Variants in PTPRM observed in about 807,000 individuals in gnomAD.
PTPRM encodes the protein protein tyrosine phosphatase receptor type M, also known as receptor-type tyrosine-protein phosphatase mu.
Under a neutral mutation model 186.7 loss-of-function variants are expected in PTPRM, and 47 were observed. That is an observed-to-expected ratio of 0.25 (90% confidence interval 0.20 to 0.32). PTPRM has a LOEUF of 0.32. PTPRM is among the 10% of genes least tolerant of loss of function. The pLI is 1.00. For missense variants in PTPRM, 1,494 were observed against 1,865.0 expected (o/e 0.80, Z 3.66); for synonymous variants, 668 against 674.9 (o/e 0.99, Z 0.16).
At chr18:7,795,810 C>CTT (rs397741769) in intron 2 of PTPRM, among the ~76,000 whole-genome samples, 2,060 of 117,694 alleles carry the variant, frequency 0.018, 20 homozygotes, top group Non-Finnish European at 0.025. Flanking sequence ...TTCTTTCTTT[C>CTT]TTTTTTTTTT....
chr18:7,999,941 G>A (rs573076876), intron 7 of PTPRM, among the ~76,000 whole-genome samples: 45 of 152,220 alleles, frequency 3.0e-4, no homozygotes, highest in African/African-American at 9.1e-4. Context: ...AAGGCAGCAG[G>A]CTCAAGACCC....
chr18:7,778,086 T>C (rs2042678494), intron 2 of PTPRM, among the ~76,000 whole-genome samples: 2 of 152,352 alleles, frequency 1.3e-5, no homozygotes, highest in South Asian at 4.1e-4. Context: ...TCTGTGTCTT[T>C]TTAAAAGTTA....
chr18:7,648,739 T>C (rs538084676), intron 1 of PTPRM, among the ~76,000 whole-genome samples: 1 of 152,278 alleles, frequency 6.6e-6, no homozygotes, highest in South Asian at 2.1e-4. Context: ...AGAGTTTGGT[T>C]CATAAGGTTT....
At chr18:7,576,868 TA>T (rs1182566077) in intron 1 of PTPRM, among the ~76,000 whole-genome samples, 6 of 152,204 alleles carry the variant, frequency 3.9e-5, no homozygotes, top group African/African-American at 1.4e-4. Flanking sequence ...AAAATGAACT[TA>T]AAATGGACTC....
chr18:8,265,733 G>T (rs374968902), intron 19 of PTPRM, among the ~76,000 whole-genome samples: 1 of 152,040 alleles, frequency 6.6e-6, no homozygotes, highest in South Asian at 2.1e-4. Flanking sequence ...GCAAATGTGG[G>T]TCATGGTTCC....
At chr18:7,837,637 T>G (rs1334430032) in intron 2 of PTPRM, among the ~76,000 whole-genome samples, 1 of 152,142 alleles carries the variant, frequency 6.6e-6, no homozygotes, top group Non-Finnish European at 1.5e-5. Flanking sequence ...GTATTTTTAG[T>G]AGAGACAGGG....
At chr18:7,646,565 G>A (rs901789542) in intron 1 of PTPRM, among the ~76,000 whole-genome samples, 3 of 152,282 alleles carry the variant, frequency 2.0e-5, no homozygotes, top group African/African-American at 4.8e-5. Flanking sequence ...TCTTCCCACA[G>A]GAAGCTGGGA....
At chr18:8,292,762 A>G (rs2095055618) in intron 19 of PTPRM, among the ~76,000 whole-genome samples, 1 of 152,230 alleles carries the variant, frequency 6.6e-6, no homozygotes, top group African/African-American at 2.4e-5. Flanking sequence ...TTCCTGTTTT[A>G]TAGAAGTAAT....
chr18:7,685,139 G>A (rs1231178401), intron 1 of PTPRM, among the ~76,000 whole-genome samples: 1 of 152,142 alleles, frequency 6.6e-6, no homozygotes, highest in African/African-American at 2.4e-5. Flanking sequence ...TACAGGATGT[G>A]GGATCTGGGG....
chr18:8,177,335 A>C (rs546982325), intron 14 of PTPRM, among the ~76,000 whole-genome samples: 2 of 152,350 alleles, frequency 1.3e-5, no homozygotes, highest in South Asian at 4.1e-4. Flanking sequence ...AGACAAATTA[A>C]ATTTAGCAGA....
intron 28 of PTPRM, among the ~76,000 whole-genome samples, chr18:8,379,789 G>A (rs2095720269): frequency 6.6e-6 from 1 of 152,094 alleles, no homozygotes; most frequent in South Asian, 2.1e-4. Context: ...GGTATGTTCT[G>A]TGCTAACACG....
At chr18:7,639,437 A>T (rs554647632) in intron 1 of PTPRM, among the ~76,000 whole-genome samples, 1 of 148,882 alleles carries the variant, frequency 6.7e-6, no homozygotes, top group East Asian at 2.0e-4. Context: ...ACCAGGCTGG[A>T]GTGCGATGGC....
At chr18:8,184,962 C>G (rs1420000191) in intron 14 of PTPRM, among the ~76,000 whole-genome samples, 1 of 152,104 alleles carries the variant, frequency 6.6e-6, no homozygotes, top group Non-Finnish European at 1.5e-5. Flanking sequence ...TGCAGACTTT[C>G]AAAGGATACC....
intron 1 of PTPRM, among the ~76,000 whole-genome samples, chr18:7,719,426 G>A (rs559306217): frequency 1.3e-5 from 2 of 152,034 alleles, no homozygotes; most frequent in South Asian, 2.1e-4. Flanking sequence ...TGACATATTG[G>A]GTACAGTGTA....
At chr18:7,808,353 G>A (rs1219303181) in intron 2 of PTPRM, among the ~76,000 whole-genome samples, 1 of 152,160 alleles carries the variant, frequency 6.6e-6, no homozygotes, top group Non-Finnish European at 1.5e-5. Flanking sequence ...CTCCATCCAT[G>A]TAGAGGCGAG....
intron 7 of PTPRM, among the ~76,000 whole-genome samples, chr18:7,984,792 CAT>C (rs1465362049): frequency 2.2e-4 from 27 of 125,434 alleles, no homozygotes; most frequent in Non-Finnish European, 3.2e-4. Flanking sequence ...TATATACACA[CAT>C]ATAAATATAT....
rs568815338 is a variant in PTPRM, at chr18:8,028,384, C to A, written c.1133-41302C>A. The stretch of plus-strand genomic sequence containing the variant: ...GGTATGTAGATCCCTAATCTGATAA[C>A]CTGATTTTTCAGGTTATCAGAGGCC... On this transcript the variant is annotated intron_variant, in intron 7 of 32. Transcript: ENST00000580170. Among the ~76,000 whole-genome samples the A allele has an allele frequency of 1.1e-4, 17 of 152,234 alleles. 1 individual carries two copies. Among genetic ancestry groups the A allele is most frequent in the Admixed American group, 2.6e-4 (4 of 15,290 alleles).
At chr18:8,131,400 T>A (rs1008674912) in intron 13 of PTPRM, among the ~76,000 whole-genome samples, 2 of 152,338 alleles carry the variant, frequency 1.3e-5, no homozygotes, top group African/African-American at 4.8e-5. Context: ...AATGCTGGTG[T>A]TGGTGATGCT....
intron 1 of PTPRM, among the ~76,000 whole-genome samples, chr18:7,752,857 T>A (rs2041287661): frequency 6.6e-6 from 1 of 152,194 alleles, no homozygotes; most frequent in Admixed American, 6.5e-5. Flanking sequence ...TGGCAATGAA[T>A]GTGTTTTCTA....
Sources: allele counts gnomAD v4.1 joint callset (sites outside exome capture counted in the v4.1 genomes callset), GRCh38; gene constraint gnomAD v4.1.1; transcripts MANE v1.5; gene names NCBI Gene and HGNC (gene_info 2026-07-23, HGNC 2026-07-21).